Variants in PTPRD observed in about 807,000 individuals in gnomAD.
The protein encoded by PTPRD is protein tyrosine phosphatase receptor type D.
A neutral mutation model predicts 214.5 loss-of-function variants in PTPRD; 34 were observed. The observed-to-expected ratio is 0.16, with a 90% confidence interval of 0.12 to 0.21. The LOEUF is 0.21. Ranked by LOEUF, PTPRD falls within the 10% of genes least tolerant of loss-of-function variation. The pLI is 1.00. For synonymous variants in PTPRD, 1,128 were observed against 845.7 expected, an observed-to-expected ratio of 1.33 and a Z score of -5.79; for missense variants, 2,545 against 2,398.7, an observed-to-expected ratio of 1.06 and a Z score of -1.27.
At chr9:8,725,701 G>C (rs139781452) in intron 12 of PTPRD, among the ~76,000 whole-genome samples, 5 of 152,230 alleles carry the variant, frequency 3.3e-5, no homozygotes, top group African/African-American at 9.6e-5. Flanking sequence ...CTTAGTCCTT[G>C]TGATAACTGT....
chr9:10,137,625 G>A (rs1395677998), intron 3 of PTPRD, among the ~76,000 whole-genome samples: 10 of 74,494 alleles, frequency 1.3e-4, no homozygotes, highest in South Asian at 1.4e-3. Context: ...TGGGTGCAGC[G>A]CACCAGCATG....
intron 8 of PTPRD, among the ~76,000 whole-genome samples, chr9:9,513,594 AAAAC>A (rs2096762434): frequency 1.6e-5 from 1 of 61,328 alleles, no homozygotes; most frequent in Non-Finnish European, 2.9e-5. Flanking sequence ...TAACAAAAAA[AAAAC>A]AAATAAAAAA....
chr9:8,825,360 CAAAAG>C (rs1359467153), intron 11 of PTPRD, among the ~76,000 whole-genome samples: 19 of 152,044 alleles, frequency 1.2e-4, no homozygotes, highest in Admixed American at 7.2e-4. Flanking sequence ...TGTCCTGTGA[CAAAAG>C]AAAACAGATG....
intron 3 of PTPRD, among the ~76,000 whole-genome samples, chr9:10,054,719 C>T (rs966251137): frequency 1.3e-5 from 2 of 152,112 alleles, no homozygotes; most frequent in Admixed American, 6.6e-5. Flanking sequence ...ACTGACCAGG[C>T]TTTCACTAAT....
rs753985813 is a variant in PTPRD at position 8,528,961 on chromosome 9, T to C, written c.353-182A>G. On this transcript the variant is annotated intron_variant, in intron 14 of 45. Coordinates refer to ENST00000381196, the MANE Select transcript of PTPRD (RefSeq NM_002839.4). ...ACTGATCAGAAGAGTAAACACTCTATGTAAGAGGCCAACAGACTAACACAG... is the reference window on the plus strand; with the variant it reads ...ACTGATCAGAAGAGTAAACACTCTACGTAAGAGGCCAACAGACTAACACAG... Among the ~76,000 whole-genome samples the C allele has an allele frequency of 3.3e-5, 5 of 152,204 alleles. No homozygotes were observed. The East Asian group carries it at 7.7e-4, about 24-fold the overall frequency.
Position 9,414,208 on chromosome 9 carries a change from T to C in PTPRD, c.-236-16726A>G, listed in dbSNP as rs150935439. ...GCAATAATTCTTTTCCCTTAAAGTT[T>C]TGAATTCCATCTGATGAAGATATTA... On this transcript the variant is annotated intron_variant, in intron 8 of 45. Coordinates refer to ENST00000381196, the MANE Select transcript of PTPRD (RefSeq NM_002839.4). 7.9e-5 allele frequency among the ~76,000 whole-genome samples: 12 copies of C among 152,362 alleles called. No individual in the cohort carries two copies. The East Asian group carries it at 2.3e-3, about 29-fold the overall frequency.
chr9:10,092,936 T>C (rs546255764), intron 3 of PTPRD, among the ~76,000 whole-genome samples: 1 of 151,492 alleles, frequency 6.6e-6, no homozygotes, highest in Non-Finnish European at 1.5e-5. Context: ...CCTTTTACCA[T>C]GTACAAAAAT....
chr9:8,434,255 A>G (rs1371549594), intron 35 of PTPRD, among the ~76,000 whole-genome samples: 2 of 152,190 alleles, frequency 1.3e-5, no homozygotes, highest in Non-Finnish European at 2.9e-5. Flanking sequence ...TGCTGGGATT[A>G]CACAAGTGAG....
At chr9:10,305,019 C>T (rs2154410527) in intron 3 of PTPRD, among the ~76,000 whole-genome samples, 2 of 151,814 alleles carry the variant, frequency 1.3e-5, no homozygotes, top group African/African-American at 4.8e-5. Context: ...TACTACAAGG[C>T]TACATCAAAA....
chr9:9,439,768 A>G (rs2086789088), intron 8 of PTPRD, among the ~76,000 whole-genome samples: 1 of 152,246 alleles, frequency 6.6e-6, no homozygotes. Flanking sequence ...TGGTAATCAT[A>G]GATACTGACA....
chr9:10,156,525 C>T (rs745553774), intron 3 of PTPRD, among the ~76,000 whole-genome samples: 2 of 152,060 alleles, frequency 1.3e-5, no homozygotes, highest in Non-Finnish European at 2.9e-5. Flanking sequence ...TCATTTATTT[C>T]GCATTTGCTG....
intron 3 of PTPRD, among the ~76,000 whole-genome samples, chr9:10,167,762 C>T (rs1174264837): frequency 1.3e-5 from 2 of 151,984 alleles, no homozygotes; most frequent in Admixed American, 6.6e-5. Context: ...AGAGTTGATA[C>T]TGTGTGATAG....
chr9:8,391,248 T>G (rs996377247), intron 36 of PTPRD, among the ~76,000 whole-genome samples: 1 of 152,148 alleles, frequency 6.6e-6, no homozygotes, highest in South Asian at 2.1e-4. Flanking sequence ...GGTTGTAAAG[T>G]TGATCCTCTC....
chr9:8,390,787 C>T (rs921589001), intron 36 of PTPRD, among the ~76,000 whole-genome samples: 5 of 152,034 alleles, frequency 3.3e-5, no homozygotes, highest in Admixed American at 1.3e-4. Flanking sequence ...GAAAGCTACT[C>T]CATAAGAGAA....
At chr9:8,485,707 T>G in intron 28 of PTPRD, 55 bp downstream of exon 28, 1 of 1,443,620 alleles carries the variant, frequency 6.9e-7, no homozygotes, top group African/African-American at 1.4e-5. Flanking sequence ...AAATACTGAT[T>G]TCCAAAGACT....
At position 10,089,831 on chromosome 9, in the gene PTPRD, T is replaced by C. The variant is rs2098407372; in HGVS notation, c.-544-56041A>G. ...CGGGGCAACCAGAAAACTTGTAAAA[T>C]CTTTTAGTTCAAGGGTAGAACCATC... is the stretch of plus-strand genomic sequence containing the variant. On this transcript the variant is annotated intron_variant, in intron 3 of 45. Transcript: ENST00000381196. Among the ~76,000 whole-genome samples, 2 of 151,784 alleles carry C rather than the reference T, an allele frequency of 1.3e-5. 1 individual carries two copies. The highest frequency in any genetic ancestry group is 4.2e-4 in the South Asian group (2 of 4,818).
chr9:8,360,321 G>A (rs981246836), intron 39 of PTPRD, among the ~76,000 whole-genome samples: 11 of 152,238 alleles, frequency 7.2e-5, no homozygotes, highest in East Asian at 5.8e-4. Flanking sequence ...GTTTGCTGTT[G>A]ATATTAAAAA....
At chr9:9,064,616 C>T (rs750129502) in intron 10 of PTPRD, among the ~76,000 whole-genome samples, 1 of 152,204 alleles carries the variant, frequency 6.6e-6, no homozygotes, top group African/African-American at 2.4e-5. Flanking sequence ...CTGTCCCACA[C>T]CAAATACATT....
intron 3 of PTPRD, among the ~76,000 whole-genome samples, chr9:10,080,325 T>C (rs16931027): frequency 1.6e-3 from 246 of 152,092 alleles, no homozygotes; most frequent in African/African-American, 5.4e-3. Context: ...GAGGACAAAA[T>C]GCTGTATCTC....
Sources: allele counts gnomAD v4.1 joint callset (sites outside exome capture counted in the v4.1 genomes callset), GRCh38; gene constraint gnomAD v4.1.1; transcripts MANE v1.5; gene names NCBI Gene and HGNC (gene_info 2026-07-23, HGNC 2026-07-21).